The following KATNAL2 variants were observed in gnomAD, a reference collection of about 807,000 sequenced individuals.
The protein encoded by KATNAL2 is katanin p60 ATPase-containing subunit A-like 2.
Under a neutral mutation model 76.3 loss-of-function variants are expected in KATNAL2, and 52 were observed. That is an observed-to-expected ratio of 0.68 (90% CI 0.55 to 0.86). KATNAL2 has a LOEUF of 0.86. KATNAL2 is among the 40% of genes least tolerant of loss of function. The pLI is 0.00. For synonymous variants in KATNAL2, 243 were observed against 244.2 expected, an observed-to-expected ratio of 1.00 and a Z score of 0.05; for missense variants, 660 against 668.9, an observed-to-expected ratio of 0.99 and a Z score of 0.15.
In KATNAL2 at chr18:47,101,419, G is replaced by A; in HGVS notation, c.*414G>A. 5.4e-6 allele frequency: 1 copy of A among 186,774 alleles called. No homozygotes were observed. Among genetic ancestry groups the A allele is most frequent in the Non-Finnish European group, 1.1e-5 (1 of 87,614 alleles). 11.6% of individuals were successfully genotyped at this position (186,774 alleles called of 1,614,324 possible). A position where few individuals can be genotyped will look rare whatever the true frequency, so the allele number is the denominator to read the frequency against. On this transcript the variant is annotated 3_prime_UTR_variant, in exon 18 of 18. Transcript: ENST00000683218. ...GTAGAAGCTAAGCTTGACAGGCACTGCCCAGCTGACAGTCCCAGGGTGAAG... is the reference window on the plus strand; with the variant it reads ...GTAGAAGCTAAGCTTGACAGGCACTACCCAGCTGACAGTCCCAGGGTGAAG...
chr18:46,933,587 A>C lies in KATNAL2; in HGVS notation c.-509-12470A>C, dbSNP rs180847642. On this transcript the variant is annotated intron_variant, in intron 1 of 17. Transcript: ENST00000683218. The stretch of plus-strand genomic sequence containing the variant: ...AGGCACCAGGCATAAACAAACAAAA[A>C]TTATCTCCACAATAAGGTATCATCA... Among the ~76,000 whole-genome samples the C allele has an allele frequency of 3.4e-3, 517 of 152,236 alleles. 1 individual carries two copies. Among genetic ancestry groups the C allele is most frequent in the Middle Eastern group, 0.01 (3 of 292 alleles).
chr18:47,042,431 T>A lies in KATNAL2; in HGVS notation c.52-4026T>A, dbSNP rs180830657. Among the ~76,000 whole-genome samples, 37 of 152,332 alleles carry A rather than the reference T, an allele frequency of 2.4e-4. No homozygotes were observed. In the East Asian group the frequency reaches 7.1e-3, roughly 29 times the overall value. ...GCAATAAAACTTTCTATTTGAATTC[T>A]TTTGGATGGATATGTTTATAAAATA... is the stretch of plus-strand genomic sequence containing the variant. On this transcript the variant is annotated intron_variant, in intron 3 of 17. Transcript: ENST00000683218.
rs1194489983 is a variant in KATNAL2, at chr18:46,946,883, C to T, written c.11C>T (p.Ser4Phe). The change falls in exon 3 of 18, where the codon TCC becomes TTC. Residue 4 changes from serine (S) to phenylalanine (F), a missense_variant. By Grantham distance (155) the Ser-to-Phe change is radical. Coordinates refer to ENST00000683218, the MANE Select transcript of KATNAL2 (RefSeq NM_001387690.1). ...CTAGCACAGTGTCTGATGGAGCTTT[C>T]CTACCAGACCCTGAAATTCACGCAT... is the stretch of plus-strand genomic sequence containing the variant. MELSYQTLKFTHQA... is the reference protein window; with the variant it reads MELFYQTLKFTHQA... 6.5e-7 allele frequency: 1 copy of T among 1,535,868 alleles called. No individual in the cohort carries two copies.
intron 3 of KATNAL2, chr18:47,035,232 C>A (rs779660004): frequency 6.2e-7 from 1 of 1,612,826 alleles, no homozygotes; most frequent in East Asian, 2.2e-5. Flanking sequence ...GCAGCTTCTC[C>A]ACTGCGTGCA....
At chr18:47,054,293 C>G (rs2061412670) in intron 5 of KATNAL2, 103 bp from the exon 6 acceptor site, 1 of 1,063,720 alleles carries the variant, frequency 9.4e-7, no homozygotes, top group East Asian at 2.4e-5. Context: ...GGTTAAAACT[C>G]AAATTTTAAG....
At chr18:46,926,637 C>A (rs1472370388) in intron 1 of KATNAL2, among the ~76,000 whole-genome samples, 7 of 152,066 alleles carry the variant, frequency 4.6e-5, no homozygotes, top group Non-Finnish European at 1.0e-4. Context: ...TCCTGGGTAT[C>A]CTTGCTAACT....
intron 14 of KATNAL2, 59 bp downstream of exon 14, chr18:47,075,427 T>C: frequency 1.6e-6 from 2 of 1,254,412 alleles, no homozygotes; most frequent in Non-Finnish European, 2.1e-6. Context: ...TTCTCCCCTC[T>C]TGTGTGTTTG....
intron 1 of KATNAL2, among the ~76,000 whole-genome samples, chr18:46,931,136 T>TA (rs1555824606): frequency 3.0e-5 from 4 of 132,768 alleles, no homozygotes; most frequent in African/African-American, 8.6e-5. Flanking sequence ...ATAATAATAA[T>TA]AATAAATAAA....
rs2063448365 is a variant in KATNAL2, at chr18:47,102,134, ATTATT to A, written c.*1132_*1136del. ...AACCAAAGCATTTTTTTCGGTATCG[ATTATT>A]TTGAGATTATTCTCAAATGCCTCTT... On this transcript the variant is annotated 3_prime_UTR_variant, in exon 18 of 18. Transcript: ENST00000683218. 1 of 152,184 alleles carries A rather than the reference ATTATT, an allele frequency of 6.6e-6. No homozygotes were observed. Among genetic ancestry groups the A allele is most frequent in the African/African-American group, 2.4e-5 (1 of 41,462 alleles). 9.4% of individuals were successfully genotyped at this position (152,184 alleles called of 1,614,324 possible). A position where few individuals can be genotyped will look rare whatever the true frequency, so the allele number is the denominator to read the frequency against.
intron 9 of KATNAL2, 88 bp downstream of exon 9, chr18:47,063,158 T>C: frequency 6.9e-7 from 1 of 1,452,310 alleles, no homozygotes; most frequent in Non-Finnish European, 9.6e-7. Flanking sequence ...AGTGAAACCT[T>C]GAGATCAAGT....
chr18:47,034,213 G>A lies in KATNAL2; in HGVS notation c.52-12244G>A, dbSNP rs146529375. ...CGTTCTGTCCAAATGAGCAGTCGGT[G>A]GCTTCCCCTCTTGAGTCTCTCGGTC... On this transcript the variant is annotated intron_variant, in intron 3 of 17. Coordinates refer to ENST00000683218, the MANE Select transcript of KATNAL2 (RefSeq NM_001387690.1). 1.7e-5 allele frequency: 28 copies of A among 1,613,788 alleles called. No individual in the cohort carries two copies. The African/African-American group carries it at 3.5e-4, about 20-fold the overall frequency.
In KATNAL2 at chr18:47,077,440, T is replaced by C. The variant is rs2062290763; in HGVS notation, c.1190T>C (p.Leu397Ser). 1 of 1,613,482 alleles carries C rather than the reference T, an allele frequency of 6.2e-7. No homozygotes were observed. The highest frequency in any genetic ancestry group is 1.7e-5 in the Admixed American group (1 of 59,998). ...CGCTCAGAAGATCTCGTATTTGTCT[T>C]AGCAGCTTCTAACCTGCCGTGGTAA... ...LARSEDLVFV[L>S]AASNLPWELD... Residue 397 changes from leucine to serine, a missense_variant, in exon 15 of 18, where the codon TTA (leucine) becomes TCA (serine). Transcript: ENST00000683218.
At position 46,933,412 on chromosome 18, in the gene KATNAL2, A is replaced by C. The variant is rs1466039676; in HGVS notation, c.-509-12645A>C. Among the ~76,000 whole-genome samples the C allele has an allele frequency of 2.0e-5, 3 of 152,262 alleles. No individual in the cohort carries two copies. In the East Asian group the frequency reaches 5.8e-4, roughly 29 times the overall value. On this transcript the variant is annotated intron_variant, in intron 1 of 17. Coordinates refer to ENST00000683218, the MANE Select transcript of KATNAL2 (RefSeq NM_001387690.1). ...CCCACAGGAGATGAAGAGGTTAATAAACATGCTCCATATTTAATATGAGGC... is the reference window on the plus strand; with the variant it reads ...CCCACAGGAGATGAAGAGGTTAATACACATGCTCCATATTTAATATGAGGC...
chr18:46,958,852 A>G (rs1271108144), intron 3 of KATNAL2, among the ~76,000 whole-genome samples: 1 of 152,236 alleles, frequency 6.6e-6, no homozygotes, highest in African/African-American at 2.4e-5. Context: ...TGATCCACAC[A>G]TTCATGTGTA....
intron 3 of KATNAL2, among the ~76,000 whole-genome samples, chr18:46,949,214 G>A (rs931571329): frequency 1.3e-5 from 2 of 151,892 alleles, no homozygotes; most frequent in African/African-American, 4.8e-5. Context: ...CTTGTTTAAT[G>A]CCTAACTACT....
chr18:46,944,851 C>T lies in KATNAL2; in HGVS notation c.-509-1206C>T, dbSNP rs930768292. 7.2e-5 allele frequency among the ~76,000 whole-genome samples: 11 copies of T among 152,166 alleles called. No homozygotes were observed. In the East Asian group the frequency reaches 7.7e-4, roughly 11 times the overall value. ...ACTGAGGCAGAGAATTGCTTGAATC[C>T]GGGAGGCGGAGGTTGCAGTGAACCA... On this transcript the variant is annotated intron_variant, in intron 1 of 17. Transcript: ENST00000683218.
At chr18:46,921,032 G>C (rs2058508405) in intron 1 of KATNAL2, among the ~76,000 whole-genome samples, 1 of 152,216 alleles carries the variant, frequency 6.6e-6, no homozygotes, top group Non-Finnish European at 1.5e-5. Context: ...GCAATTACCT[G>C]ACTAGGCTAC....
At chr18:47,081,263 GCACT>G (rs2062505852) in intron 15 of KATNAL2, among the ~76,000 whole-genome samples, 1 of 151,952 alleles carries the variant, frequency 6.6e-6, no homozygotes, top group Non-Finnish European at 1.5e-5. Flanking sequence ...TTCAACAGCG[GCACT>G]GTCTAATAGA....
intron 15 of KATNAL2, among the ~76,000 whole-genome samples, chr18:47,095,324 TATAATCCTC>T (rs1326173085): frequency 2.6e-5 from 4 of 152,214 alleles, no homozygotes; most frequent in Non-Finnish European, 5.9e-5. Flanking sequence ...CATCTTCAAT[TATAATCCTC>T]ATAATCCCCA....
Sources: gnomAD v4.1 joint callset for allele counts (sites outside exome capture counted in the v4.1 genomes callset) on GRCh38, gnomAD v4.1.1 for gene constraint, MANE v1.5 for transcripts, NCBI Gene and HGNC (gene_info 2026-07-23, HGNC 2026-07-21) for gene names.